The following TNRC6A variants were observed in gnomAD, a reference collection of about 807,000 sequenced individuals.
TNRC6A encodes the protein trinucleotide repeat-containing gene 6A protein.
In TNRC6A, 44 loss-of-function variants were observed where a neutral mutation model predicts 221.2. The observed-to-expected ratio is 0.20, with a 90% CI of 0.16 to 0.26. The LOEUF (loss-of-function observed/expected upper bound fraction) is 0.26, where lower values mean the gene tolerates loss of function less well. TNRC6A is among the 10% of genes least tolerant of loss of function. TNRC6A has a pLI of 1.00. For missense variants in TNRC6A, 2,199 were observed against 2,404.4 expected (o/e 0.91, Z 1.79); for synonymous variants, 847 against 838.5 (o/e 1.01, Z -0.18).
intron 1 of TNRC6A, among the ~76,000 whole-genome samples, 153 bp from the exon 2 acceptor site, chr16:24,730,099 GC>G (rs1266251793): frequency 2.0e-5 from 3 of 150,378 alleles, no homozygotes; most frequent in Non-Finnish European, 4.5e-5. Flanking sequence ...CCGGGCTGCA[GC>G]CCCGCAGCTT....
At chr16:24,625,737 C>CAAAAAAAAAAAAAAAA (rs749882396) in intron 1 of TNRC6A, among the ~76,000 whole-genome samples, 1 of 24,022 alleles carries the variant, frequency 4.2e-5, no homozygotes, top group African/African-American at 1.5e-4. Context: ...CGTCTCAAAA[C>CAAAAAAAAAAAAAAAA]AAAAAAAAAA....
intron 11 of TNRC6A, among the ~76,000 whole-genome samples, chr16:24,801,399 G>A (rs1249913702): frequency 6.6e-6 from 1 of 152,162 alleles, no homozygotes; most frequent in Non-Finnish European, 1.5e-5. Context: ...GGGCTCAGGG[G>A]TAGTCATTGG....
chr16:24,644,988 T>G (rs1360818020), intron 2 of TNRC6A, among the ~76,000 whole-genome samples: 1 of 152,220 alleles, frequency 6.6e-6, no homozygotes, highest in Non-Finnish European at 1.5e-5. Context: ...CAGGGTGTAT[T>G]TTACACTTAC....
intron 2 of TNRC6A, among the ~76,000 whole-genome samples, chr16:24,660,521 G>A (rs1408590932): frequency 6.6e-6 from 1 of 151,860 alleles, no homozygotes; most frequent in African/African-American, 2.4e-5. Flanking sequence ...TTTTGCAGTT[G>A]TGAATAGTGT....
chr16:24,741,111 ATCT>A (rs759939398), intron 2 of TNRC6A, among the ~76,000 whole-genome samples: 3 of 152,284 alleles, frequency 2.0e-5, no homozygotes, highest in East Asian at 1.9e-4. Flanking sequence ...ACAGTTTTAC[ATCT>A]TCTTTTCCAA....
At chr16:24,808,551 A>G (rs1167889192) in intron 17 of TNRC6A, among the ~76,000 whole-genome samples, 1 of 151,888 alleles carries the variant, frequency 6.6e-6, no homozygotes, top group Non-Finnish European at 1.5e-5. Flanking sequence ...AAAATTGTCA[A>G]CTCCTGATCC....
At chr16:24,701,398 C>A (rs1416970138) in intron 2 of TNRC6A, among the ~76,000 whole-genome samples, 4 of 151,244 alleles carry the variant, frequency 2.6e-5, no homozygotes, top group African/African-American at 7.3e-5. Flanking sequence ...CGGAGTCTCG[C>A]TCTGTCGCCC....
At chr16:24,751,256 T>C (rs1158520154) in intron 3 of TNRC6A, among the ~76,000 whole-genome samples, 1 of 152,186 alleles carries the variant, frequency 6.6e-6, no homozygotes, top group Non-Finnish European at 1.5e-5. Flanking sequence ...GAGATGATGT[T>C]ATTATATGTA....
At chr16:24,713,101 A>G (rs1371903493) in intron 2 of TNRC6A, among the ~76,000 whole-genome samples, 2 of 152,002 alleles carry the variant, frequency 1.3e-5, no homozygotes, top group Non-Finnish European at 2.9e-5. Flanking sequence ...TTCATTTTCA[A>G]TTTTGAAAGT....
chr16:24,638,975 G>A (rs1429423109), intron 1 of TNRC6A, among the ~76,000 whole-genome samples: 2 of 152,208 alleles, frequency 1.3e-5, no homozygotes, highest in African/African-American at 4.8e-5. Context: ...ATTGGATTGG[G>A]CAACATGTAA....
intron 2 of TNRC6A, among the ~76,000 whole-genome samples, chr16:24,666,471 CAAAAA>C (rs765727823): frequency 1.2e-5 from 1 of 83,934 alleles, no homozygotes. Context: ...GACTCCGTCT[CAAAAA>C]AAAAAAAAAA....
chr16:24,673,929 C>T (rs1354907630), intron 2 of TNRC6A, among the ~76,000 whole-genome samples: 1 of 152,186 alleles, frequency 6.6e-6, no homozygotes, highest in African/African-American at 2.4e-5. Flanking sequence ...TGACAAAAGT[C>T]CTCACCCTCG....
chr16:24,743,038 A>G (rs927592879), intron 2 of TNRC6A, among the ~76,000 whole-genome samples: 2 of 152,184 alleles, frequency 1.3e-5, no homozygotes, highest in Non-Finnish European at 2.9e-5. Context: ...AAGCCTTAAA[A>G]GAAGAGTAGG....
intron 2 of TNRC6A, among the ~76,000 whole-genome samples, chr16:24,696,202 G>A (rs1050367605): frequency 6.6e-6 from 1 of 151,952 alleles, no homozygotes; most frequent in African/African-American, 2.4e-5. Context: ...CAAAAAATTA[G>A]CTGGGCGTGG....
intron 9 of TNRC6A, among the ~76,000 whole-genome samples, chr16:24,797,096 C>T (rs1183023859): frequency 1.3e-5 from 2 of 152,174 alleles, no homozygotes; most frequent in Non-Finnish European, 1.5e-5. Context: ...TTTGGACTAA[C>T]CTTAGAACCT....
intron 2 of TNRC6A, among the ~76,000 whole-genome samples, chr16:24,721,584 T>C (rs1035579631): frequency 4.6e-5 from 7 of 152,118 alleles, no homozygotes; most frequent in East Asian, 1.9e-4. Context: ...GGCGGGTGGA[T>C]TGCTTGAGCC....
intron 11 of TNRC6A, among the ~76,000 whole-genome samples, chr16:24,798,592 G>C (rs1224170395): frequency 1.3e-5 from 2 of 152,222 alleles, no homozygotes; most frequent in African/African-American, 4.8e-5. Context: ...CCAGTAGATA[G>C]TTGTTGCAGT....
At chr16:24,795,662 T>C (rs1352572469) in intron 8 of TNRC6A, 1 of 401,048 alleles carries the variant, frequency 2.5e-6, no homozygotes, top group Non-Finnish European at 4.4e-6. Flanking sequence ...TTTGGCTGAA[T>C]TTGCCTATTG....
At chr16:24,724,995 T>C (rs1320777373), upstream of TNRC6A, among the ~76,000 whole-genome samples, 1 of 151,942 alleles carries the variant, frequency 6.6e-6, no homozygotes, top group East Asian at 1.9e-4. Context: ...GGAGGAGAAG[T>C]TAGAGAACAT....
Sources: allele counts gnomAD v4.1 joint callset (sites outside exome capture counted in the v4.1 genomes callset), GRCh38; gene constraint gnomAD v4.1.1; transcripts MANE v1.5; gene names NCBI Gene and HGNC (gene_info 2026-07-23, HGNC 2026-07-21).